Variants in CDH11 observed in about 807,000 individuals in gnomAD.
The protein encoded by CDH11 is cadherin 11.
A neutral mutation model predicts 67.8 loss-of-function variants in CDH11; 11 were observed. The ratio of observed to expected loss-of-function variants is 0.16; its 90% CI spans 0.10 to 0.27. CDH11 has a LOEUF of 0.27. Ranked by LOEUF, CDH11 falls within the 10% of genes least tolerant of loss-of-function variation. The pLI is 1.00. For missense variants in CDH11, 847 were observed against 1,031.2 expected (o/e 0.82, Z 2.45); for synonymous variants, 419 against 400.0 (o/e 1.05, Z -0.57).
chr16:65,058,054 G>A (rs2074175307), intron 1 of CDH11, among the ~76,000 whole-genome samples: 1 of 152,088 alleles, frequency 6.6e-6, no homozygotes, highest in Non-Finnish European at 1.5e-5. Context: ...GGGCAATATG[G>A]CGAAACGTGT....
rs768156725 is a variant in CDH11, at chr16:64,971,949, G to C, written c.1506C>G (p.Thr502=). 6.2e-7 allele frequency: 1 copy of C among 1,613,864 alleles called. No individual in the cohort carries two copies. Among genetic ancestry groups the C allele is most frequent in the Admixed American group, 1.7e-5 (1 of 59,996 alleles). ...GGATTACCTGGTTGGAAAGTGGCTT[G>C]GTCTGATCACTCTCACAGATGAAAC... ...YEGFICESDQ[T]KPLSNQPIVT... The change falls in exon 10 of 13, where the codon ACC becomes ACG. Residue 502 remains threonine (T), a synonymous_variant. Transcript: ENST00000268603.
At position 64,947,799 on chromosome 16, in the gene CDH11, G is replaced by A; in HGVS notation, c.2195C>T (p.Pro732Leu). The A allele has an allele frequency of 1.2e-6, 2 of 1,614,098 alleles. No individual in the cohort carries two copies. The highest frequency in any genetic ancestry group is 2.2e-5 in the East Asian group (1 of 44,858). Residue 732 changes from proline (P) to leucine (L), a missense_variant, in exon 13 of 13, where the codon CCC becomes CTC. Pro to Leu is a moderately conservative substitution (Grantham distance 98). This residue lies in a region of CDH11 where 612 missense variants were observed against 678.7 expected (regional missense o/e 0.90). Transcript: ENST00000268603. Reference sequence around the variant, plus strand: ...AATGGAGTCATAAGGAGGAGCCGTGGGGTCATTGTCTGCCTCCTGTATTCT... The same window carrying A: ...AATGGAGTCATAAGGAGGAGCCGTGAGGTCATTGTCTGCCTCCTGTATTCT... The part of the protein sequence containing the change: ...NTRIQEADND[P>L]TAPPYDSIQI...
chr16:65,092,809 C>T (rs1004681918), intron 1 of CDH11, among the ~76,000 whole-genome samples: 3 of 150,718 alleles, frequency 2.0e-5, no homozygotes, highest in African/African-American at 4.9e-5. Context: ...AGTGCCTTGA[C>T]CTTTCCTTAA....
chr16:65,092,971 C>G (rs528918831), intron 1 of CDH11, among the ~76,000 whole-genome samples: 1 of 144,690 alleles, frequency 6.9e-6, no homozygotes, highest in East Asian at 2.0e-4. Context: ...GACTCTCACT[C>G]TGTTGTCCAG....
chr16:65,015,242 C>T (rs1327581844), intron 2 of CDH11, among the ~76,000 whole-genome samples: 1 of 151,438 alleles, frequency 6.6e-6, no homozygotes, highest in East Asian at 1.9e-4. Flanking sequence ...AATTAGCTAC[C>T]AATGTTCTTG....
chr16:65,052,565 G>A (rs538093434), intron 2 of CDH11, among the ~76,000 whole-genome samples: 1 of 152,250 alleles, frequency 6.6e-6, no homozygotes, highest in Admixed American at 6.5e-5. Flanking sequence ...CCAGCTGAGA[G>A]ATGAATCTGG....
At chr16:65,034,885 G>A (rs1173883261) in intron 2 of CDH11, among the ~76,000 whole-genome samples, 1 of 152,148 alleles carries the variant, frequency 6.6e-6, no homozygotes, top group Non-Finnish European at 1.5e-5. Flanking sequence ...AATTCAGGCT[G>A]TTCACACTGG....
Position 65,018,580 on chromosome 16 carries a change from G to T in CDH11, c.-172-13539C>A, listed in dbSNP as rs147806707. On this transcript the variant is annotated intron_variant, in intron 2 of 12. Transcript: ENST00000268603. ...ATACTTTTCTCAATTGCTAGAAGCTGTAAATAACTCAAAAGAAAAACATTT... is the reference window on the plus strand; with the variant it reads ...ATACTTTTCTCAATTGCTAGAAGCTTTAAATAACTCAAAAGAAAAACATTT... 2.1e-3 allele frequency among the ~76,000 whole-genome samples: 315 copies of T among 152,230 alleles called. 1 individual carries two copies. Among genetic ancestry groups the T allele is most frequent in the African/African-American group, 6.8e-3 (282 of 41,538 alleles).
intron 7 of CDH11, among the ~76,000 whole-genome samples, chr16:64,983,878 T>A (rs1484889934): frequency 6.6e-6 from 1 of 152,210 alleles, no homozygotes; most frequent in African/African-American, 2.4e-5. Flanking sequence ...TAATTTATAA[T>A]CAGAAAAGTG....
intron 1 of CDH11, among the ~76,000 whole-genome samples, chr16:65,094,105 AT>A (rs1206911059): frequency 6.6e-6 from 1 of 152,240 alleles, no homozygotes; most frequent in Non-Finnish European, 1.5e-5. Context: ...GCCTTCATAA[AT>A]ACCAGCAATG....
chr16:65,089,817 T>C (rs2074765142), intron 1 of CDH11, among the ~76,000 whole-genome samples: 2 of 152,198 alleles, frequency 1.3e-5, no homozygotes, highest in Non-Finnish European at 2.9e-5. Context: ...TATTTTAAAA[T>C]CTCTTAATGA....
chr16:65,018,175 A>C (rs189380340), intron 2 of CDH11, among the ~76,000 whole-genome samples: 1 of 152,270 alleles, frequency 6.6e-6, no homozygotes, highest in African/African-American at 2.4e-5. Flanking sequence ...TCAAGAACCC[A>C]AGATAACTTG....
chr16:64,967,621 A>G (rs2071877295), intron 11 of CDH11, among the ~76,000 whole-genome samples: 1 of 152,158 alleles, frequency 6.6e-6, no homozygotes, highest in African/African-American at 2.4e-5. Context: ...ATTGACATAC[A>G]TATATTGATT....
chr16:64,985,656 A>G (rs2072468451), intron 7 of CDH11: 1 of 151,468 alleles, frequency 6.6e-6, no homozygotes, highest in Non-Finnish European at 1.5e-5. Flanking sequence ...TTTTGCTCCC[A>G]GTTACTCCAG....
chr16:65,102,323 A>T lies in CDH11; in HGVS notation c.-298+19557T>A, dbSNP rs142781010. On this transcript the variant is annotated intron_variant, in intron 1 of 12. Coordinates refer to ENST00000268603, the MANE Select transcript of CDH11 (RefSeq NM_001797.4). ...ACGGCCAATTTGTCTCATTGAGTCA[A>T]CAGTTGAAGAGAGTATGAGGAAATA... 6.7e-3 allele frequency among the ~76,000 whole-genome samples: 1,014 copies of T among 152,330 alleles called. 15 individuals carry two copies. The highest frequency in any genetic ancestry group is 0.023 in the African/African-American group (963 of 41,574).
At chr16:65,045,618 CCA>C (rs1188975494) in intron 2 of CDH11, among the ~76,000 whole-genome samples, 2 of 151,792 alleles carry the variant, frequency 1.3e-5, no homozygotes, top group Non-Finnish European at 2.9e-5. Flanking sequence ...TCTGAGTCCC[CCA>C]CTGCACAAAG....
In CDH11 at chr16:65,054,191, C is replaced by A. The variant is rs573649405; in HGVS notation, c.-297-263G>T. On this transcript the variant is annotated intron_variant, in intron 1 of 12. Transcript: ENST00000268603. ...ACAATGATAAAAGCAATCCTACACA[C>A]AACTTCTTATAACATGCTGTGTCAT... 8.5e-5 allele frequency among the ~76,000 whole-genome samples: 13 copies of A among 152,324 alleles called. No homozygotes were observed. In the East Asian group the frequency reaches 2.5e-3, roughly 29 times the overall value.
At chr16:65,047,596 C>A (rs2073985097) in intron 2 of CDH11, among the ~76,000 whole-genome samples, 1 of 152,036 alleles carries the variant, frequency 6.6e-6, no homozygotes, top group Non-Finnish European at 1.5e-5. Context: ...GTGATCTGCC[C>A]ACCTTGGCCT....
chr16:65,096,755 C>T (rs1365875384), intron 1 of CDH11, among the ~76,000 whole-genome samples: 3 of 151,664 alleles, frequency 2.0e-5, no homozygotes, highest in East Asian at 1.9e-4. Context: ...GGTTGAACTT[C>T]GACTAATACC....
Sources: allele counts gnomAD v4.1 joint callset (sites outside exome capture counted in the v4.1 genomes callset), GRCh38; gene constraint gnomAD v4.1.1; regional missense constraint gnomAD v4.1.1; transcripts MANE v1.5; gene names NCBI Gene and HGNC (gene_info 2026-07-23, HGNC 2026-07-21).